The following SMCO4 variants were observed in gnomAD, a reference collection of about 807,000 sequenced individuals.
The protein encoded by SMCO4 is single-pass membrane and coiled-coil domain-containing protein 4.
SMCO4 carries 4 observed loss-of-function variants against 3.6 expected under a neutral mutation model. The observed-to-expected ratio is 1.11, with a 90% confidence interval of 0.54 to 2.53. SMCO4 has a LOEUF of 2.53. SMCO4 is among the 30% of genes most tolerant of loss of function. SMCO4 has a pLI of 0.02. For synonymous variants in SMCO4, 36 were observed against 35.3 expected (o/e 1.02, Z -0.07); for missense variants, 70 against 80.8 (o/e 0.87, Z 0.51).
intron 2 of SMCO4, among the ~76,000 whole-genome samples, chr11:93,497,343 G>T (rs1000195141): frequency 1.3e-5 from 2 of 152,232 alleles, no homozygotes; most frequent in Admixed American, 1.3e-4. Flanking sequence ...GAATTAAGCT[G>T]ATCAAACCTG....
intron 1 of SMCO4, among the ~76,000 whole-genome samples, chr11:93,515,472 G>A (rs964934147): frequency 1.3e-5 from 2 of 152,204 alleles, no homozygotes; most frequent in Non-Finnish European, 2.9e-5. Flanking sequence ...AGTAAGGGAA[G>A]TTCAATGAGT....
chr11:93,540,346 A>G (rs772143140), intron 1 of SMCO4, among the ~76,000 whole-genome samples: 7 of 152,298 alleles, frequency 4.6e-5, no homozygotes, highest in Non-Finnish European at 7.4e-5. Flanking sequence ...CTGATTTTAC[A>G]CATGTGGAAA....
rs978472901 is a variant in SMCO4 at position 93,535,916 on chromosome 11, T to C, written c.-154+7360A>G. ...AGGTTTCTGGTTCCCCCACAGTAGG[T>C]GTTTTCACATAAGATTAGGGTCTTT... On this transcript the variant is annotated intron_variant, in intron 1 of 2. Transcript: ENST00000298966. 7.9e-5 allele frequency: 124 copies of C among 1,561,866 alleles called. 1 individual carries two copies. The highest frequency in any genetic ancestry group is 9.4e-5 in the Non-Finnish European group (108 of 1,150,394).
intron 1 of SMCO4, among the ~76,000 whole-genome samples, chr11:93,508,565 T>C (rs1387757336): frequency 1.3e-5 from 2 of 152,164 alleles, no homozygotes; most frequent in African/African-American, 2.4e-5. Context: ...CTGAATGGAA[T>C]TCTGCAAAAT....
upstream of SMCO4, among the ~76,000 whole-genome samples, chr11:93,547,050 C>T (rs1207530499): frequency 6.6e-6 from 1 of 152,146 alleles, no homozygotes; most frequent in African/African-American, 2.4e-5. Flanking sequence ...ATAATGTAAA[C>T]AAAAAAATTT....
At chr11:93,546,652 C>G (rs947921033), upstream of SMCO4, among the ~76,000 whole-genome samples, 9 of 152,176 alleles carry the variant, frequency 5.9e-5, no homozygotes, top group African/African-American at 2.2e-4. Context: ...ACTGGGATGA[C>G]CAATTCACAG....
chr11:93,510,781 A>G (rs990727999), intron 1 of SMCO4, among the ~76,000 whole-genome samples: 2 of 152,206 alleles, frequency 1.3e-5, no homozygotes, highest in Non-Finnish European at 2.9e-5. Context: ...TAGTTAGAGC[A>G]GCACACTGGG....
At chr11:93,536,838 C>T (rs1949230228) in intron 1 of SMCO4, among the ~76,000 whole-genome samples, 1 of 152,228 alleles carries the variant, frequency 6.6e-6, no homozygotes, top group South Asian at 2.1e-4. Flanking sequence ...AAACAAGCTA[C>T]TTATGCTGAT....
At chr11:93,480,302 C>T (rs571711980) in intron 2 of SMCO4, among the ~76,000 whole-genome samples, 2 of 152,298 alleles carry the variant, frequency 1.3e-5, no homozygotes, top group South Asian at 4.1e-4. Context: ...CCTGCATCAC[C>T]ACCGTCAGCA....
intron 1 of SMCO4, among the ~76,000 whole-genome samples, chr11:93,531,254 G>C (rs1032238013): frequency 6.6e-6 from 1 of 152,186 alleles, no homozygotes; most frequent in African/African-American, 2.4e-5. Flanking sequence ...GCTTGAGCTG[G>C]GACATTGGTC....
chr11:93,550,330 C>A, the SMCO4 span, among the ~76,000 whole-genome samples: 1 of 151,926 alleles, frequency 6.6e-6, no homozygotes, highest in Non-Finnish European at 1.5e-5. Flanking sequence ...AAAGTAAGAC[C>A]ACACTAAAAT....
upstream of SMCO4, among the ~76,000 whole-genome samples, chr11:93,544,647 A>G (rs1325629132): frequency 6.7e-6 from 1 of 150,086 alleles, no homozygotes; most frequent in Non-Finnish European, 1.5e-5. Flanking sequence ...TTTTTTTTTC[A>G]TTTTTACAGG....
chr11:93,547,693 A>T (rs1451530725), upstream of SMCO4, among the ~76,000 whole-genome samples: 3 of 152,232 alleles, frequency 2.0e-5, no homozygotes, highest in East Asian at 5.8e-4. Context: ...AAATGAATGA[A>T]TAATATAAGC....
In SMCO4 at chr11:93,487,282, C is replaced by T. The variant is rs548457643; in HGVS notation, c.-80-8013G>A. ...AGGAGAATTGTGCAAGATGGGACTC[C>T]GGACACCCGCAAAGCACCTGCTGAT... On this transcript the variant is annotated intron_variant, in intron 2 of 2. Transcript: ENST00000298966. 5.9e-4 allele frequency among the ~76,000 whole-genome samples: 90 copies of T among 152,212 alleles called. 1 individual carries two copies. Among genetic ancestry groups the T allele is most frequent in the African/African-American group, 2.0e-3 (85 of 41,544 alleles).
chr11:93,507,143 G>A lies in SMCO4; in HGVS notation c.-153-7795C>T, dbSNP rs534014922. On this transcript the variant is annotated intron_variant, in intron 1 of 2. Coordinates refer to ENST00000298966, the MANE Select transcript of SMCO4 (RefSeq NM_020179.3). ...TTCGGGGCCGGGTGCGGTGGCTCAC[G>A]CATGTAATCCCAGCACTTTGGGAGG... 2.0e-4 allele frequency among the ~76,000 whole-genome samples: 30 copies of A among 152,274 alleles called. No individual in the cohort carries two copies. The East Asian group carries it at 3.7e-3, about 19-fold the overall frequency.
intron 1 of SMCO4, among the ~76,000 whole-genome samples, chr11:93,515,420 G>A (rs1443656378): frequency 6.6e-6 from 1 of 152,160 alleles, no homozygotes; most frequent in Admixed American, 6.5e-5. Flanking sequence ...TAACTGTGAG[G>A]TAATTACTTG....
At chr11:93,514,059 G>C (rs540446457) in intron 1 of SMCO4, among the ~76,000 whole-genome samples, 2 of 152,072 alleles carry the variant, frequency 1.3e-5, no homozygotes, top group African/African-American at 4.8e-5. Flanking sequence ...TGCCCTGCAT[G>C]CTGCCTGTCG....
At chr11:93,525,048 A>G (rs1949093377) in intron 1 of SMCO4, among the ~76,000 whole-genome samples, 1 of 152,190 alleles carries the variant, frequency 6.6e-6, no homozygotes, top group African/African-American at 2.4e-5. Context: ...CACTCAACCC[A>G]CAATGGGCCA....
At chr11:93,484,712 T>C (rs559586757) in intron 2 of SMCO4, among the ~76,000 whole-genome samples, 63 of 150,182 alleles carry the variant, frequency 4.2e-4, no homozygotes, top group African/African-American at 1.4e-3. Context: ...TTGCACCATA[T>C]AACCCATGCA....
Sources: allele counts gnomAD v4.1 joint callset (sites outside exome capture counted in the v4.1 genomes callset), GRCh38; gene constraint gnomAD v4.1.1; transcripts MANE v1.5; gene names NCBI Gene and HGNC (gene_info 2026-07-23, HGNC 2026-07-21).